ROBO1: variants seen among roughly 807,000 people sequenced by gnomAD.
ROBO1 encodes roundabout guidance receptor 1, also known as roundabout homolog 1.
A neutral mutation model predicts 195.9 loss-of-function variants in ROBO1; 149 were observed. The ratio of observed to expected loss-of-function variants is 0.76; its 90% confidence interval spans 0.67 to 0.87. ROBO1 has a LOEUF of 0.87. Among genes scored for constraint, ROBO1 ranks in the 40% least tolerant of loss-of-function variants. The pLI is 0.00. For missense variants in ROBO1, 1,933 were observed against 2,068.3 expected (o/e 0.93, Z 1.27); for synonymous variants, 816 against 733.2 (o/e 1.11, Z -1.82).
At chr3:79,609,947 C>T (rs1054511587) in intron 1 of ROBO1, among the ~76,000 whole-genome samples, 2 of 151,720 alleles carry the variant, frequency 1.3e-5, no homozygotes, top group Non-Finnish European at 2.9e-5. Context: ...GAACCACAAC[C>T]TGAATGAATG....
intron 1 of ROBO1, among the ~76,000 whole-genome samples, chr3:79,667,789 C>T (rs1347396265): frequency 6.6e-6 from 1 of 151,430 alleles, no homozygotes; most frequent in Non-Finnish European, 1.5e-5. Context: ...ATTTTTGTTC[C>T]TTATATTAAA....
chr3:79,315,316 A>G (rs1377179598), intron 2 of ROBO1, among the ~76,000 whole-genome samples: 1 of 152,202 alleles, frequency 6.6e-6, no homozygotes, highest in African/African-American at 2.4e-5. Context: ...TCATTAAACT[A>G]GATATTCCAG....
chr3:78,872,826 A>C (rs1281859475), intron 4 of ROBO1, among the ~76,000 whole-genome samples: 2 of 152,148 alleles, frequency 1.3e-5, no homozygotes, highest in African/African-American at 4.8e-5. Flanking sequence ...AATTCCCATG[A>C]TACTGGTAAT....
At chr3:79,275,755 T>C (rs1333694224) in intron 2 of ROBO1, among the ~76,000 whole-genome samples, 7 of 151,958 alleles carry the variant, frequency 4.6e-5, no homozygotes, top group Admixed American at 6.5e-5. Context: ...CAAAAAACTA[T>C]TGGAACTGAA....
chr3:78,774,293 T>A (rs1200315855), intron 4 of ROBO1, among the ~76,000 whole-genome samples: 1 of 152,144 alleles, frequency 6.6e-6, no homozygotes, highest in Non-Finnish European at 1.5e-5. Flanking sequence ...AATGTTTTAT[T>A]CTTTAAAGAT....
At chr3:79,166,961 C>T (rs2081078762) in intron 2 of ROBO1, among the ~76,000 whole-genome samples, 1 of 152,002 alleles carries the variant, frequency 6.6e-6, no homozygotes, top group Non-Finnish European at 1.5e-5. Flanking sequence ...TGAATTAATG[C>T]TACTGCTATT....
intron 3 of ROBO1, among the ~76,000 whole-genome samples, chr3:78,948,843 C>T (rs2040607366): frequency 6.6e-6 from 1 of 152,166 alleles, no homozygotes; most frequent in Non-Finnish European, 1.5e-5. Context: ...GTACAAAAAT[C>T]ACAAGCATTC....
intron 1 of ROBO1, among the ~76,000 whole-genome samples, chr3:79,764,438 T>C (rs1251919444): frequency 6.6e-6 from 1 of 152,242 alleles, no homozygotes; most frequent in African/African-American, 2.4e-5. Flanking sequence ...TGAGTTTAGG[T>C]GGCAAGAAGG....
rs567064757 is a variant in ROBO1, at chr3:78,798,874, G to A, written c.500-51974C>T. Among the ~76,000 whole-genome samples, 8 of 152,310 alleles carry A rather than the reference G, an allele frequency of 5.3e-5. No homozygotes were observed. In the South Asian group the frequency reaches 1.7e-3, roughly 32 times the overall value. ...TTTAGTAGTTACTTGGAGGTAAGAT[G>A]TGAATGGCGACTAAGATGAAGGATA... On this transcript the variant is annotated intron_variant, in intron 4 of 30. Coordinates refer to ENST00000464233, the MANE Select transcript of ROBO1 (RefSeq NM_002941.4).
chr3:78,918,971 A>G (rs1307602574), intron 4 of ROBO1, among the ~76,000 whole-genome samples: 1 of 152,146 alleles, frequency 6.6e-6, no homozygotes, highest in Non-Finnish European at 1.5e-5. Flanking sequence ...GGAGCAAAGG[A>G]AAGTACCACA....
intron 4 of ROBO1, among the ~76,000 whole-genome samples, chr3:78,776,314 C>T (rs775907439): frequency 1.2e-4 from 18 of 152,110 alleles, no homozygotes; most frequent in African/African-American, 2.2e-4. Context: ...TGCAATGGCA[C>T]GATCTCGGCC....
chr3:79,728,088 GTATT>G (rs1702993866), intron 1 of ROBO1, among the ~76,000 whole-genome samples: 1 of 151,544 alleles, frequency 6.6e-6, no homozygotes, highest in Non-Finnish European at 1.5e-5. Flanking sequence ...CTGCGTGTGT[GTATT>G]TGTGTGTGTA....
intron 3 of ROBO1, among the ~76,000 whole-genome samples, chr3:79,055,763 A>G (rs1291890617): frequency 6.6e-6 from 1 of 152,202 alleles, no homozygotes; most frequent in East Asian, 1.9e-4. Context: ...GTAAAAGAAG[A>G]CAGGGCTGGT....
rs535314886 is a variant in ROBO1 at position 79,421,147 on chromosome 3, CACTT to C, written c.88+168673_88+168676del. On this transcript the variant is annotated intron_variant, in intron 2 of 30. Coordinates refer to ENST00000464233, the MANE Select transcript of ROBO1 (RefSeq NM_002941.4). ...TAGAAAATGAAATACAGCATGTTCT[CACTT>C]ACAAGTGAGAGCTTTACACTGAGTA... 3.1e-3 allele frequency among the ~76,000 whole-genome samples: 479 copies of C among 152,158 alleles called. 2 individuals are homozygous for C. The highest frequency in any genetic ancestry group is 0.011 in the African/African-American group (455 of 41,518).
intron 3 of ROBO1, among the ~76,000 whole-genome samples, chr3:79,004,230 G>A (rs1172719880): frequency 6.6e-6 from 1 of 151,898 alleles, no homozygotes; most frequent in Non-Finnish European, 1.5e-5. Flanking sequence ...ATGTAAATTT[G>A]CGATATTTGG....
intron 4 of ROBO1, among the ~76,000 whole-genome samples, chr3:78,859,897 G>A (rs898182492): frequency 3.3e-5 from 5 of 152,104 alleles, no homozygotes; most frequent in African/African-American, 4.8e-5. Context: ...TGGCTAACAC[G>A]GTGAAACCCG....
At chr3:78,898,456 C>T (rs897982617) in intron 4 of ROBO1, among the ~76,000 whole-genome samples, 2 of 136,522 alleles carry the variant, frequency 1.5e-5, no homozygotes, top group Non-Finnish European at 3.0e-5. Flanking sequence ...GGCGTGATCT[C>T]GGCTCACTGC....
intron 1 of ROBO1, among the ~76,000 whole-genome samples, chr3:79,735,579 G>T (rs982499928): frequency 6.6e-6 from 1 of 152,034 alleles, no homozygotes; most frequent in Non-Finnish European, 1.5e-5. Flanking sequence ...TTGCAAAAAG[G>T]TCTGACACTG....
At position 79,425,166 on chromosome 3, in the gene ROBO1, T is replaced by G. The variant is rs144207478; in HGVS notation, c.88+164658A>C. Among the ~76,000 whole-genome samples the G allele has an allele frequency of 2.3e-3, 343 of 152,290 alleles. 2 individuals carry two copies. Among genetic ancestry groups the G allele is most frequent in the African/African-American group, 7.7e-3 (321 of 41,568 alleles). ...GACTATTTTTTTTCTATTTCCATTA[T>G]ATGCCCCTCACATTTTATTCATTTA... On this transcript the variant is annotated intron_variant, in intron 2 of 30. Transcript: ENST00000464233.
Sources: gnomAD v4.1 joint callset for allele counts (sites outside exome capture counted in the v4.1 genomes callset) on GRCh38, gnomAD v4.1.1 for gene constraint, MANE v1.5 for transcripts, NCBI Gene and HGNC (gene_info 2026-07-23, HGNC 2026-07-21) for gene names.